HERC6: variants seen among roughly 807,000 people sequenced by gnomAD.
HERC6 encodes the protein probable E3 ubiquitin-protein ligase HERC6.
HERC6 carries 101 observed loss-of-function variants against 114.5 expected under a neutral mutation model. That is an observed-to-expected ratio of 0.88 (90% CI 0.75 to 1.04). The LOEUF is 1.04. HERC6 is among the 50% of genes least tolerant of loss of function. The pLI, the probability that HERC6 is intolerant of heterozygous loss-of-function variation, is 0.00. For missense variants in HERC6, 1,133 were observed against 1,230.9 expected (o/e 0.92, Z 1.19); for synonymous variants, 408 against 436.2 (o/e 0.94, Z 0.81).
At chr4:88,428,487 T>C (rs1356841464) in intron 15 of HERC6, 93 bp from the exon 16 acceptor site, 5 of 916,138 alleles carry the variant, frequency 5.5e-6, no homozygotes, top group Non-Finnish European at 8.0e-6. Flanking sequence ...ATTAAGTATA[T>C]ACTACACAAA....
At chr4:88,434,687 GAT>G (rs1250553277) in intron 17 of HERC6, among the ~76,000 whole-genome samples, 1 of 149,918 alleles carries the variant, frequency 6.7e-6, no homozygotes, top group Non-Finnish European at 1.5e-5. Context: ...ATCAAGCCAG[GAT>G]ATGAGTTCAG....
chr4:88,441,065 G>C (rs1205888996), intron 22 of HERC6, among the ~76,000 whole-genome samples: 1 of 151,344 alleles, frequency 6.6e-6, no homozygotes, highest in Non-Finnish European at 1.5e-5. Flanking sequence ...TTTTTAAGTA[G>C]AGATTTGCTA....
chr4:88,436,811 T>C, intron 18 of HERC6, 94 bp from the exon 19 acceptor site: 2 of 801,918 alleles, frequency 2.5e-6, no homozygotes, highest in Admixed American at 2.8e-5. Flanking sequence ...ATTTTATACA[T>C]TTCTATATTG....
At chr4:88,395,184 G>T (rs1360409116) in intron 5 of HERC6, among the ~76,000 whole-genome samples, 1 of 151,994 alleles carries the variant, frequency 6.6e-6, no homozygotes, top group African/African-American at 2.4e-5. Flanking sequence ...ACCCTCAATT[G>T]TTTGGATTAT....
chr4:88,385,633 T>C (rs1734533318), intron 3 of HERC6, 58 bp downstream of exon 3: 1 of 841,280 alleles, frequency 1.2e-6, no homozygotes, highest in Admixed American at 3.2e-5. Flanking sequence ...GAATAGGAAT[T>C]ATAGCTGCTG....
intron 10 of HERC6, among the ~76,000 whole-genome samples, chr4:88,407,473 T>A (rs1005074264): frequency 6.6e-6 from 1 of 151,908 alleles, no homozygotes; most frequent in African/African-American, 2.4e-5. Flanking sequence ...TGATCATAGC[T>A]CCCTGTAGCC....
intron 8 of HERC6, among the ~76,000 whole-genome samples, chr4:88,402,179 G>A (rs138392630): frequency 2.6e-5 from 4 of 151,950 alleles, no homozygotes; most frequent in African/African-American, 9.6e-5. Context: ...GTAAGATGGT[G>A]TATGATGGTC....
chr4:88,407,874 T>C (rs1156522527), intron 10 of HERC6, among the ~76,000 whole-genome samples: 3 of 152,172 alleles, frequency 2.0e-5, no homozygotes, highest in African/African-American at 7.2e-5. Flanking sequence ...TCGGAATTTA[T>C]TTACAATTGG....
chr4:88,383,642 A>G (rs1181179152), intron 2 of HERC6, among the ~76,000 whole-genome samples: 2 of 151,828 alleles, frequency 1.3e-5, no homozygotes, highest in Non-Finnish European at 2.9e-5. Flanking sequence ...AGGCACCCGC[A>G]ATCCCAACTA....
At chr4:88,410,602 A>G (rs1241555506) in intron 11 of HERC6, among the ~76,000 whole-genome samples, 1 of 152,090 alleles carries the variant, frequency 6.6e-6, no homozygotes, top group Non-Finnish European at 1.5e-5. Flanking sequence ...CAAAGGCCCC[A>G]CCTCTTAATA....
chr4:88,389,524 T>C (rs940291485), intron 3 of HERC6, among the ~76,000 whole-genome samples: 3 of 151,930 alleles, frequency 2.0e-5, no homozygotes, highest in Non-Finnish European at 1.5e-5. Flanking sequence ...GGTAGAAGTT[T>C]TGAATTTTCT....
At chr4:88,422,497 T>C (rs1472983157) in intron 13 of HERC6, among the ~76,000 whole-genome samples, 1 of 152,230 alleles carries the variant, frequency 6.6e-6, no homozygotes, top group East Asian at 1.9e-4. Flanking sequence ...AGATCATGAA[T>C]GGATACTGAA....
In HERC6 at chr4:88,390,889, T is replaced by TA; in HGVS notation, c.664+11dup. On this transcript the variant is annotated intron_variant, in intron 4 of 22. Coordinates refer to ENST00000264346, the MANE Select transcript of HERC6 (RefSeq NM_017912.4). Reference sequence around the variant, plus strand: ...GGGCGTAATGTCCCAGGTAAGGAGATAGTCTTGTTTGTGCAGTAAATCATT... The same window carrying TA: ...GGGCGTAATGTCCCAGGTAAGGAGATAAGTCTTGTTTGTGCAGTAAATCATT... 1 of 1,599,980 alleles carries TA rather than the reference T, an allele frequency of 6.3e-7. No homozygotes were observed. Among genetic ancestry groups the TA allele is most frequent in the Non-Finnish European group, 8.5e-7 (1 of 1,170,652 alleles).
intron 1 of HERC6, among the ~76,000 whole-genome samples, chr4:88,382,903 C>T (rs1391777280): frequency 1.3e-5 from 2 of 152,126 alleles, no homozygotes. Context: ...GTTTCATTTT[C>T]CTAGGCTATG....
Position 88,379,030 on chromosome 4 carries a change from C to T in HERC6, c.109C>T (p.Leu37=). 1 of 1,565,620 alleles carries T rather than the reference C, an allele frequency of 6.4e-7. No homozygotes were observed. The highest frequency in any genetic ancestry group is 1.2e-5 in the South Asian group (1 of 85,224). The part of the protein sequence containing the change: ...QAASGERHSL[L]LLTNHRVLSC... ...GGCCAGCGGGGAGCGCCACTCTCTG[C>T]TGCTGCTGACCAACCACAGGGTCCT... Residue 37 remains leucine, a synonymous_variant, in exon 1 of 23, where the codon CTG becomes TTG. Coordinates refer to ENST00000264346, the MANE Select transcript of HERC6 (RefSeq NM_017912.4).
intron 9 of HERC6, 127 bp from the exon 10 acceptor site, chr4:88,405,427 T>C: frequency 2.0e-6 from 1 of 508,884 alleles, no homozygotes; most frequent in Admixed American, 3.9e-5. Flanking sequence ...TGGGAGACTC[T>C]TAAGAGAGTA....
intron 12 of HERC6, among the ~76,000 whole-genome samples, 179 bp from the exon 13 acceptor site, chr4:88,417,246 A>G (rs560379903): frequency 6.6e-6 from 1 of 152,212 alleles, no homozygotes; most frequent in African/African-American, 2.4e-5. Flanking sequence ...AGGGAAAAAA[A>G]TTTCCACATC....
At chr4:88,401,194 G>T (rs990448617) in intron 8 of HERC6, among the ~76,000 whole-genome samples, 1 of 152,110 alleles carries the variant, frequency 6.6e-6, no homozygotes, top group Non-Finnish European at 1.5e-5. Flanking sequence ...TTCTCATGCT[G>T]CATAAGAAAG....
intron 4 of HERC6, 70 bp from the exon 5 acceptor site, chr4:88,393,418 T>C: frequency 1.3e-6 from 1 of 762,096 alleles, no homozygotes; most frequent in Non-Finnish European, 2.1e-6. Context: ...TAAAAAGATA[T>C]TAAAATGTAA....
Sources: gnomAD v4.1 joint callset for allele counts (sites outside exome capture counted in the v4.1 genomes callset) on GRCh38, gnomAD v4.1.1 for gene constraint, MANE v1.5 for transcripts, NCBI Gene and HGNC (gene_info 2026-07-23, HGNC 2026-07-21) for gene names.